Variants in SREBF1 observed in about 807,000 individuals in gnomAD.
SREBF1 encodes sterol regulatory element-binding protein 1.
Under a neutral mutation model 100.1 loss-of-function variants are expected in SREBF1, and 45 were observed. That is an observed-to-expected ratio of 0.45 (90% CI 0.35 to 0.58). The LOEUF (loss-of-function observed/expected upper bound fraction) is 0.58, where lower values mean the gene tolerates loss of function less well. SREBF1 is among the 20% of genes least tolerant of loss of function. The pLI is 0.00. For synonymous variants in SREBF1, 657 were observed against 681.8 expected, an observed-to-expected ratio of 0.96 and a Z score of 0.57; for missense variants, 1,324 against 1,539.4, an observed-to-expected ratio of 0.86 and a Z score of 2.34.
In SREBF1 at chr17:17,819,376, C is replaced by T. The variant is rs1567973455; in HGVS notation, c.790G>A (p.Ala264Thr). 6.2e-7 allele frequency: 1 copy of T among 1,613,768 alleles called. No individual in the cohort carries two copies. The highest frequency in any genetic ancestry group is 8.5e-7 in the Non-Finnish European group (1 of 1,180,052). ...AMKTDGATVK[A>T]AGLSPLVSGT... ...GAGACCAGGGGACTGAGACCTGCCGCCTTCACAGTGGCTCCGTCTGTCTTC... is the reference window on the plus strand; with the variant it reads ...GAGACCAGGGGACTGAGACCTGCCGTCTTCACAGTGGCTCCGTCTGTCTTC... The change falls in exon 4 of 19, where the codon GCG becomes ACG. Residue 264 changes from alanine (A) to threonine (T), a missense_variant. Physicochemically the swap from Ala to Thr is moderately conservative, Grantham distance 58. Coordinates refer to ENST00000261646, the MANE Select transcript of SREBF1 (RefSeq NM_004176.5).
chr17:17,816,087 C>G, intron 11 of SREBF1, 59 bp from the exon 12 acceptor site: 1 of 1,592,862 alleles, frequency 6.3e-7, no homozygotes, highest in Non-Finnish European at 8.6e-7. Context: ...GACCCCGGGC[C>G]GAGTCCCAGC....
At chr17:17,813,962 C>G (rs927095714) in intron 16 of SREBF1, 193 bp from the exon 17 acceptor site, 15 of 696,518 alleles carry the variant, frequency 2.2e-5, no homozygotes, top group African/African-American at 2.0e-4. Flanking sequence ...GCCACCGGCC[C>G]GGGAGCAGCT....
chr17:17,817,554 GTGGGA>G lies in SREBF1; in HGVS notation c.1405-102_1405-98del, dbSNP rs983297440. On this transcript the variant is annotated intron_variant, in intron 7 of 18. Coordinates refer to ENST00000261646, the MANE Select transcript of SREBF1 (RefSeq NM_004176.5). This position sits in a 1 kb window ranked among gnomAD's most constrained non-coding sequence, Gnocchi z 6.6. ...GGGTCAGGATTCTGCCCACCTTACT[GTGGGA>G]CCCCACGTGGCTCCAGGCCTCAGTT... 9.8e-6 allele frequency: 15 copies of G among 1,526,506 alleles called. No homozygotes were observed. Among genetic ancestry groups the G allele is most frequent in the African/African-American group, 1.4e-5 (1 of 72,772 alleles). 94.6% of individuals were successfully genotyped at this position (1,526,506 alleles called of 1,614,324 possible). A position where few individuals can be genotyped will look rare whatever the true frequency, so the allele number is the denominator to read the frequency against.
chr17:17,813,923 G>A (rs1362405321), intron 16 of SREBF1, 154 bp from the exon 17 acceptor site: 1 of 836,728 alleles, frequency 1.2e-6, no homozygotes, highest in Non-Finnish European at 1.9e-6. Flanking sequence ...GCACCGCGGG[G>A]CCGCCCGCCT....
At position 17,812,542 on chromosome 17, in the gene SREBF1, TC is replaced by T; in HGVS notation, c.*79del. On this transcript the variant is annotated 3_prime_UTR_variant, in exon 19 of 19. Coordinates refer to ENST00000261646, the MANE Select transcript of SREBF1 (RefSeq NM_004176.5). ...GAGTCTCTTGCACTGCCTTCGGCCT[TC>T]AAAGCTTCGACGCAGGACAGAAGCT... The T allele has an allele frequency of 6.9e-6, 10 of 1,439,524 alleles. No individual in the cohort carries two copies. The highest frequency in any genetic ancestry group is 9.5e-6 in the Non-Finnish European group (10 of 1,053,668). 89.2% of individuals were successfully genotyped at this position (1,439,524 alleles called of 1,614,324 possible).
At chr17:17,827,157 AGC>A (rs1374372977) in intron 1 of SREBF1, among the ~76,000 whole-genome samples, 1 of 152,190 alleles carries the variant, frequency 6.6e-6, no homozygotes. Flanking sequence ...GGATAGGAGG[AGC>A]GGAGGCAGTG....
intron 1 of SREBF1, among the ~76,000 whole-genome samples, chr17:17,828,407 C>A (rs959423625): frequency 6.6e-5 from 10 of 152,246 alleles, no homozygotes; most frequent in African/African-American, 2.4e-4. Flanking sequence ...CCCCACTAGG[C>A]TCTTCCCGGA....
intron 1 of SREBF1, among the ~76,000 whole-genome samples, chr17:17,835,056 A>G (rs1323784520): frequency 1.3e-5 from 2 of 152,190 alleles, no homozygotes; most frequent in Non-Finnish European, 2.9e-5. Context: ...CAACTTGCCC[A>G]TGAAGGGAGG....
chr17:17,828,658 G>A (rs2034638435), intron 1 of SREBF1, among the ~76,000 whole-genome samples: 1 of 152,226 alleles, frequency 6.6e-6, no homozygotes, highest in African/African-American at 2.4e-5. Context: ...GCTCACACCT[G>A]TAATAACAGC....
At position 17,812,718 on chromosome 17, in the gene SREBF1, C is replaced by T; in HGVS notation, c.3348G>A (p.Ala1116=). 1 of 1,591,810 alleles carries T rather than the reference C, an allele frequency of 6.3e-7. No homozygotes were observed. The highest frequency in any genetic ancestry group is 8.6e-7 in the Non-Finnish European group (1 of 1,169,322). The change falls in exon 19 of 19, where the codon GCG becomes GCA. Residue 1116 remains alanine, a synonymous_variant. Coordinates refer to ENST00000261646, the MANE Select transcript of SREBF1 (RefSeq NM_004176.5). The stretch of plus-strand genomic sequence containing the variant: ...GATCGCCAAGCTTCTCGAGTGTGCG[C>T]GCCGCCTCAGCCAGCATGCCCACGC... The part of the protein sequence containing the change: ...GQRVGMLAEA[A]RTLEKLGDRR...
rs1274970198 is a variant in SREBF1, at chr17:17,819,573, T to TTACAGGGGCTGCCGTGGG, written c.658_675dup (p.Pro220_Val225dup). 1.2e-5 allele frequency: 19 copies of TTACAGGGGCTGCCGTGGG among 1,613,832 alleles called. No homozygotes were observed. Among genetic ancestry groups the TTACAGGGGCTGCCGTGGG allele is most frequent in the Admixed American group, 1.7e-5 (1 of 60,022 alleles). Reference sequence around the variant, plus strand: ...TGGATCTGCGAGGTCACAGTGGTCGTTACAGGGGCTGCCGTGGGGGCAGCT... The same window carrying TTACAGGGGCTGCCGTGGG: ...TGGATCTGCGAGGTCACAGTGGTCGTTACAGGGGCTGCCGTGGGTACAGGGGCTGCCGTGGGGGCAGCT... On this transcript the variant is annotated inframe_insertion, in exon 3 of 19. Transcript: ENST00000261646.
rs1469937808 is a variant in SREBF1 at position 17,813,684 on chromosome 17, G to C, written c.2987C>G (p.Ala996Gly). The C allele has an allele frequency of 6.5e-7, 1 of 1,544,112 alleles. No homozygotes were observed. The highest frequency in any genetic ancestry group is 1.2e-5 in the South Asian group (1 of 84,864). ...GGGCCTGCTGCTGGTGCCCTGGGCT[G>C]CTGGGGCCGGGGCCGGGGGCTGCTG... ...RQQQPPAPAP[A>G]AQGTSSRPQA... The change falls in exon 17 of 19, where the codon GCA becomes GGA. Residue 996 changes from alanine (A) to glycine (G), a missense_variant. By Grantham distance (60) the Ala-to-Gly change is moderately conservative. Coordinates refer to ENST00000261646, the MANE Select transcript of SREBF1 (RefSeq NM_004176.5).
At position 17,813,556 on chromosome 17, in the gene SREBF1, A is replaced by G; in HGVS notation, c.3102+13T>C. ...GACTCCCCGTCTTGAGGACAGGGCC[A>G]TCGGGCACTCACCCTCCGCATGGCG... On this transcript the variant is annotated intron_variant, in intron 17 of 18. Coordinates refer to ENST00000261646, the MANE Select transcript of SREBF1 (RefSeq NM_004176.5). 1 of 1,595,358 alleles carries G rather than the reference A, an allele frequency of 6.3e-7. No individual in the cohort carries two copies. The highest frequency in any genetic ancestry group is 8.5e-7 in the Non-Finnish European group (1 of 1,172,824).
chr17:17,817,785 T>C lies in SREBF1; in HGVS notation c.1315A>G (p.Ser439Gly). The C allele has an allele frequency of 1.9e-6, 3 of 1,613,824 alleles. No homozygotes were observed. The highest frequency in any genetic ancestry group is 2.5e-6 in the Non-Finnish European group (3 of 1,180,000). Residue 439 changes from serine (S) to glycine (G), a missense_variant, in exon 7 of 19, where the codon AGC becomes GGC. Coordinates refer to ENST00000261646, the MANE Select transcript of SREBF1 (RefSeq NM_004176.5). This position sits in a 1 kb window ranked among gnomAD's most constrained non-coding sequence, Gnocchi z 6.6. ...CCCCTGCTGCCAAGGGACAAGGGGC[T>C]GCTCTGGAAAGGTGAGCCAGCATCC... Reference protein sequence around the residue: ...PSDAGSPFQSSPLSLGSRGSG... With the variant: ...PSDAGSPFQSGPLSLGSRGSG...
At position 17,835,219 on chromosome 17, in the gene SREBF1, C is replaced by T. The variant is rs1264578144; in HGVS notation, c.91+1508G>A. On this transcript the variant is annotated intron_variant, in intron 1 of 18. Coordinates refer to ENST00000261646, the MANE Select transcript of SREBF1 (RefSeq NM_004176.5). ...GGTCACGTTGCCTCTTGGGACTACA[C>T]TCACTGGGCCCAGTGATGTGGAACT... Among the ~76,000 whole-genome samples the T allele has an allele frequency of 8.5e-5, 13 of 152,276 alleles. No homozygotes were observed. In the Middle Eastern group the frequency reaches 0.01, roughly 120 times the overall value.
At chr17:17,821,152 T>C (rs200021260) in intron 1 of SREBF1, among the ~76,000 whole-genome samples, 17 of 149,488 alleles carry the variant, frequency 1.1e-4, no homozygotes, top group East Asian at 5.9e-4. Context: ...TCCACACACA[T>C]ACACACACAC....
rs1359458352 is a variant in SREBF1 at position 17,811,902 on chromosome 17, T to C, written c.*720A>G. 1 of 438,408 alleles carries C rather than the reference T, an allele frequency of 2.3e-6. No individual in the cohort carries two copies. Among genetic ancestry groups the C allele is most frequent in the South Asian group, 1.6e-5 (1 of 62,228 alleles). 27.2% of individuals were successfully genotyped at this position (438,408 alleles called of 1,614,324 possible). A position where few individuals can be genotyped will look rare whatever the true frequency, so the allele number is the denominator to read the frequency against. ...GGGGGAACAGGTAGGCTGGAGGCCA[T>C]ACAGCCAGCCCTCCCCACTCCTCCC... is the stretch of plus-strand genomic sequence containing the variant. On this transcript the variant is annotated 3_prime_UTR_variant, in exon 19 of 19. Coordinates refer to ENST00000261646, the MANE Select transcript of SREBF1 (RefSeq NM_004176.5).
Position 17,816,824 on chromosome 17 carries a change from G to A in SREBF1, c.1786-106C>T, listed in dbSNP as rs140341844. 19 of 1,580,386 alleles carry A rather than the reference G, an allele frequency of 1.2e-5. No individual in the cohort carries two copies. In the Admixed American group the frequency reaches 1.4e-4, roughly 12 times the overall value. On this transcript the variant is annotated intron_variant, in intron 9 of 18. Coordinates refer to ENST00000261646, the MANE Select transcript of SREBF1 (RefSeq NM_004176.5). The stretch of plus-strand genomic sequence containing the variant: ...CTCTGGAGGGGTGGTGGGGGTCTGC[G>A]GATGCGTGGCTAGGCACAGGGAGGA...
chr17:17,833,696 A>C (rs1312191544), intron 1 of SREBF1, among the ~76,000 whole-genome samples: 1 of 151,966 alleles, frequency 6.6e-6, no homozygotes, highest in Non-Finnish European at 1.5e-5. Flanking sequence ...TAAAAAATTG[A>C]TGAAGGCCGG....
Sources: gnomAD v4.1 joint callset for allele counts (sites outside exome capture counted in the v4.1 genomes callset) on GRCh38, gnomAD v4.1.1 for gene constraint, Gnocchi (gnomAD v3.1) non-coding constraint, MANE v1.5 for transcripts, NCBI Gene and HGNC (gene_info 2026-07-23, HGNC 2026-07-21) for gene names.